Variants in LDB1 observed in about 807,000 individuals in gnomAD.
LDB1 encodes LIM domain-binding protein 1.
Under a neutral mutation model 49.7 loss-of-function variants are expected in LDB1, and 6 were observed. The observed-to-expected ratio is 0.12, with a 90% CI of 0.07 to 0.24. The LOEUF (loss-of-function observed/expected upper bound fraction) is 0.24, where lower values mean the gene tolerates loss of function less well. Ranked by LOEUF, LDB1 falls within the 10% of genes least tolerant of loss-of-function variation. The pLI is 1.00. For synonymous variants in LDB1, 233 were observed against 202.0 expected, an observed-to-expected ratio of 1.15 and a Z score of -1.30; for missense variants, 341 against 561.7, an observed-to-expected ratio of 0.61 and a Z score of 3.97.
rs747195385 is a variant in LDB1, at chr10:102,109,581, TG to T, written c.732+18del. ...AGACTAAATGGACTGGGGCAGAAAC[TG>T]GGTGGTCGGAGACTCACTCGGAGGT... On this transcript the variant is annotated intron_variant, in intron 8 of 10. Coordinates refer to ENST00000673968, the MANE Select transcript of LDB1 (RefSeq NM_001113407.3). The surrounding 1 kb of genome is among the most constrained non-coding windows in gnomAD (Gnocchi z 5.8). 1.2e-6 allele frequency: 2 copies of T among 1,613,948 alleles called. No individual in the cohort carries two copies.
downstream of LDB1, among the ~76,000 whole-genome samples, chr10:102,105,350 T>C (rs1011157861): frequency 2.0e-5 from 3 of 152,082 alleles, no homozygotes; most frequent in African/African-American, 7.2e-5. Flanking sequence ...AAGATAACTG[T>C]AGATTGGAGA....
intron 1 of LDB1, among the ~76,000 whole-genome samples, chr10:102,113,962 T>A (rs796633187): frequency 6.6e-6 from 1 of 151,084 alleles, no homozygotes; most frequent in Non-Finnish European, 1.5e-5. Flanking sequence ...GGCTTGGGAG[T>A]GAGTAGAGAA....
chr10:102,106,158 G>A (rs2068157827), downstream of LDB1, among the ~76,000 whole-genome samples: 1 of 151,952 alleles, frequency 6.6e-6, no homozygotes, highest in African/African-American at 2.4e-5. Context: ...GTCTATCCCA[G>A]GAACCTGCCC....
intron 1 of LDB1, among the ~76,000 whole-genome samples, chr10:102,112,101 G>A (rs2068264590): frequency 6.6e-6 from 1 of 152,190 alleles, no homozygotes; most frequent in African/African-American, 2.4e-5. Flanking sequence ...TCATTTGGCT[G>A]AGTCCTAGAT....
chr10:102,114,958 G>A (rs2133523938), intron 1 of LDB1: 2 of 504,826 alleles, frequency 4.0e-6, no homozygotes, highest in East Asian at 3.0e-4. Flanking sequence ...TTCTCTCCCT[G>A]CCTCCCTCCC....
At chr10:102,103,675 A>G (rs2068134926), downstream of LDB1, among the ~76,000 whole-genome samples, 1 of 152,020 alleles carries the variant, frequency 6.6e-6, no homozygotes, top group African/African-American at 2.4e-5. Context: ...CTAGCTGGGC[A>G]TGGTGGTGCG....
At chr10:102,114,691 T>A in intron 1 of LDB1, 1 of 795,434 alleles carries the variant, frequency 1.3e-6, no homozygotes, top group South Asian at 5.7e-5. Context: ...CCGCGGGGAG[T>A]CCGGAGCCTT....
chr10:102,119,078 T>C (rs2068369761), intron 1 of LDB1, among the ~76,000 whole-genome samples: 1 of 151,298 alleles, frequency 6.6e-6, no homozygotes. Flanking sequence ...TGTGGGGGAG[T>C]GGTGGGTGTC....
chr10:102,120,070 C>T lies in LDB1; in HGVS notation c.25+16G>A. The T allele has an allele frequency of 1.4e-6, 2 of 1,435,104 alleles. No homozygotes were observed. The highest frequency in any genetic ancestry group is 1.4e-5 in the South Asian group (1 of 73,182). The allele number at this position is 1,435,104 out of a possible 1,614,324, so 88.9% of individuals were successfully genotyped here. On this transcript the variant is annotated intron_variant, in intron 1 of 10. Transcript: ENST00000673968. ...GCTGGGCAGGAAGGGGCCGAGTGGCCGCACGCCCCACTCACCAGGACAGGC... is the reference window on the plus strand; with the variant it reads ...GCTGGGCAGGAAGGGGCCGAGTGGCTGCACGCCCCACTCACCAGGACAGGC...
downstream of LDB1, among the ~76,000 whole-genome samples, chr10:102,106,354 A>G (rs1007365245): frequency 1.3e-5 from 2 of 151,766 alleles, no homozygotes; most frequent in African/African-American, 4.8e-5. Flanking sequence ...TAATTCAGGG[A>G]AACAACTTCA....
chr10:102,114,818 C>G, intron 1 of LDB1: 1 of 949,934 alleles, frequency 1.1e-6, no homozygotes, highest in Non-Finnish European at 1.3e-6. Flanking sequence ...AGCAGCCCGC[C>G]CGCCCTCCCC....
chr10:102,107,874 C>G lies in LDB1; in HGVS notation c.*219G>C, dbSNP rs1017324290. The G allele has an allele frequency of 6.8e-6, 4 of 591,854 alleles. No individual in the cohort carries two copies. The highest frequency in any genetic ancestry group is 3.0e-5 in the Admixed American group (1 of 33,166). 36.7% of individuals were successfully genotyped at this position (591,854 alleles called of 1,614,324 possible). On this transcript the variant is annotated 3_prime_UTR_variant, in exon 11 of 11. Coordinates refer to ENST00000673968, the MANE Select transcript of LDB1 (RefSeq NM_001113407.3). ...CCAAGTAGGCATCCACATGAGTACCCCCTCCCCCTAAAAGGCTCTGTAGAG... is the reference window on the plus strand; with the variant it reads ...CCAAGTAGGCATCCACATGAGTACCGCCTCCCCCTAAAAGGCTCTGTAGAG...
rs1313242260 is a variant in LDB1 at position 102,117,890 on chromosome 10, T to C, written c.25+2196A>G. The stretch of plus-strand genomic sequence containing the variant: ...GTGTATCTTGTGGTGCTTCTGCGTG[T>C]GCATGTGTGTGGGTCTGTGTGCGCT... On this transcript the variant is annotated intron_variant, in intron 1 of 10. Transcript: ENST00000673968. The surrounding 1 kb of genome is among the most constrained non-coding windows in gnomAD (Gnocchi z 4.2). Among the ~76,000 whole-genome samples the C allele has an allele frequency of 2.6e-5, 4 of 152,132 alleles. No homozygotes were observed. The highest frequency in any genetic ancestry group is 9.7e-5 in the African/African-American group (4 of 41,408).
At position 102,107,949 on chromosome 10, in the gene LDB1, C is replaced by A; in HGVS notation, c.*144G>T. 1 of 747,268 alleles carries A rather than the reference C, an allele frequency of 1.3e-6. No homozygotes were observed. Among genetic ancestry groups the A allele is most frequent in the Non-Finnish European group, 2.3e-6 (1 of 440,618 alleles). The allele number at this position is 747,268 out of a possible 1,614,324, so 46.3% of individuals were successfully genotyped here. On this transcript the variant is annotated 3_prime_UTR_variant, in exon 11 of 11. Transcript: ENST00000673968. Reference sequence around the variant, plus strand: ...GGGGGGCAAATCTTGGCACCTGCCCCCAGAGAGTCCAGTTCCTCCCTGAAG... The same window carrying A: ...GGGGGGCAAATCTTGGCACCTGCCCACAGAGAGTCCAGTTCCTCCCTGAAG...
rs1365151316 is a variant in LDB1 at position 102,107,950 on chromosome 10, CAG to C, written c.*141_*142del. Reference sequence around the variant, plus strand: ...GGGGGCAAATCTTGGCACCTGCCCCCAGAGAGTCCAGTTCCTCCCTGAAGCGG... The same window carrying C: ...GGGGGCAAATCTTGGCACCTGCCCCCAGAGTCCAGTTCCTCCCTGAAGCGG... On this transcript the variant is annotated 3_prime_UTR_variant, in exon 11 of 11. Coordinates refer to ENST00000673968, the MANE Select transcript of LDB1 (RefSeq NM_001113407.3). 1.3e-4 allele frequency: 100 copies of C among 750,158 alleles called. No individual in the cohort carries two copies. The highest frequency in any genetic ancestry group is 4.7e-5 in the Non-Finnish European group (21 of 442,892). The allele number at this position is 750,158 out of a possible 1,614,324, so 46.5% of individuals were successfully genotyped here.
downstream of LDB1, among the ~76,000 whole-genome samples, chr10:102,102,317 G>A (rs1590274528): frequency 6.6e-6 from 1 of 152,228 alleles, no homozygotes; most frequent in Non-Finnish European, 1.5e-5. Context: ...CTAGTTCTGT[G>A]CATCTGAAAT....
At position 102,109,779 on chromosome 10, in the gene LDB1, G is replaced by A. The variant is rs944316422; in HGVS notation, c.649-96C>T. On this transcript the variant is annotated intron_variant, in intron 7 of 10. Coordinates refer to ENST00000673968, the MANE Select transcript of LDB1 (RefSeq NM_001113407.3). This position sits in a 1 kb window ranked among gnomAD's most constrained non-coding sequence, Gnocchi z 5.8. ...GAGCATTGTGACACTCCTGAGAGAG[G>A]ATAGTCTCTTATTAAACCTGCTGTT... The A allele has an allele frequency of 3.8e-5, 58 of 1,535,730 alleles. No individual in the cohort carries two copies. The South Asian group carries it at 4.2e-4, about 11-fold the overall frequency.
At chr10:102,111,001 G>GTCA in intron 4 of LDB1, 30 bp from the exon 5 acceptor site, 1 of 1,611,068 alleles carries the variant, frequency 6.2e-7, no homozygotes, top group Non-Finnish European at 8.5e-7. Context: ...GTGTTCATGT[G>GTCA]TCATAAGATA....
intron 1 of LDB1, chr10:102,114,786 C>A: frequency 1.0e-6 from 1 of 968,954 alleles, no homozygotes; most frequent in African/African-American, 1.8e-5. Context: ...CCCGCCGCCG[C>A]CTCTTGCTGC....
Sources: allele counts gnomAD v4.1 joint callset (sites outside exome capture counted in the v4.1 genomes callset), GRCh38; gene constraint gnomAD v4.1.1; non-coding constraint Gnocchi (gnomAD v3.1); transcripts MANE v1.5; gene names NCBI Gene and HGNC (gene_info 2026-07-23, HGNC 2026-07-21).